Variants in RBFOX1 observed in about 807,000 individuals in gnomAD.
RBFOX1 encodes RNA binding fox-1 homolog 1, also known as RNA binding protein fox-1 homolog 1.
A neutral mutation model predicts 57.7 loss-of-function variants in RBFOX1; 8 were observed. The ratio of observed to expected loss-of-function variants is 0.14; its 90% CI spans 0.08 to 0.25. RBFOX1 has a LOEUF of 0.25. Among genes scored for constraint, RBFOX1 ranks in the 10% least tolerant of loss-of-function variants. The pLI, the probability that RBFOX1 is intolerant of heterozygous loss-of-function variation, is 1.00. For missense variants in RBFOX1, 611 were observed against 548.5 expected (o/e 1.11, Z -1.14); for synonymous variants, 326 against 222.4 (o/e 1.47, Z -4.15).
chr16:6,024,715 A>G (rs1269022798), intron 1 of RBFOX1, among the ~76,000 whole-genome samples: 1 of 152,114 alleles, frequency 6.6e-6, no homozygotes, highest in Non-Finnish European at 1.5e-5. Flanking sequence ...GCCTGACCTC[A>G]AGTGATCCAC....
chr16:6,928,019 A>T (rs936639670), intron 3 of RBFOX1, among the ~76,000 whole-genome samples: 1 of 152,076 alleles, frequency 6.6e-6, no homozygotes, highest in African/African-American at 2.4e-5. Flanking sequence ...CACCCCCAGC[A>T]CCCACCCCTC....
chr16:7,709,552 C>G, intron 15 of RBFOX1: 2 of 1,532,656 alleles, frequency 1.3e-6, no homozygotes, highest in South Asian at 1.2e-5. Flanking sequence ...ACTTCCAGGC[C>G]TCTGCTGTCA....
intron 5 of RBFOX1, among the ~76,000 whole-genome samples, chr16:7,531,172 A>T (rs1315518788): frequency 6.6e-6 from 1 of 152,240 alleles, no homozygotes; most frequent in African/African-American, 2.4e-5. Flanking sequence ...AAATCATACA[A>T]TCCAAACAAT....
At chr16:6,548,556 G>T (rs544132165) in intron 2 of RBFOX1, among the ~76,000 whole-genome samples, 1 of 152,270 alleles carries the variant, frequency 6.6e-6, no homozygotes, top group South Asian at 2.1e-4. Context: ...AAGCTCTCCA[G>T]GTAGTCACAG....
At chr16:6,375,087 A>T (rs2090991387) in intron 2 of RBFOX1, among the ~76,000 whole-genome samples, 1 of 152,132 alleles carries the variant, frequency 6.6e-6, no homozygotes, top group African/African-American at 2.4e-5. Flanking sequence ...TTTGCAGGCT[A>T]ATGGGAGTGT....
chr16:7,170,494 T>C (rs192963662), intron 4 of RBFOX1, among the ~76,000 whole-genome samples: 4 of 152,304 alleles, frequency 2.6e-5, no homozygotes, highest in African/African-American at 9.6e-5. Context: ...CATATTGGTC[T>C]CAAATTCCTC....
chr16:6,637,390 T>TAA (rs1567986799), intron 2 of RBFOX1, among the ~76,000 whole-genome samples: 1 of 11,634 alleles, frequency 8.6e-5, no homozygotes, highest in Non-Finnish European at 2.4e-4. Context: ...CAAATATATA[T>TAA]TATATATTAA....
intron 2 of RBFOX1, among the ~76,000 whole-genome samples, chr16:5,507,810 C>T (rs1337286873): frequency 2.6e-5 from 4 of 152,154 alleles, no homozygotes; most frequent in Admixed American, 1.3e-4. Flanking sequence ...CCCCAAGGAT[C>T]GCTGGAACCA....
At chr16:6,999,250 G>T (rs1295287750) in intron 3 of RBFOX1, among the ~76,000 whole-genome samples, 3 of 96,996 alleles carry the variant, frequency 3.1e-5, no homozygotes, top group Non-Finnish European at 4.9e-5. Context: ...TAGAGATCAG[G>T]TCTCACTTGT....
chr16:5,269,491 A>C (rs2062950203), intron 1 of RBFOX1, among the ~76,000 whole-genome samples: 1 of 152,288 alleles, frequency 6.6e-6, no homozygotes, highest in African/African-American at 2.4e-5. Context: ...CCAGATGAAG[A>C]GATACACTGA....
intron 3 of RBFOX1, among the ~76,000 whole-genome samples, chr16:5,709,033 C>G (rs140076514): frequency 6.6e-6 from 1 of 152,310 alleles, no homozygotes; most frequent in African/African-American, 2.4e-5. Context: ...TATTTCCCTA[C>G]TCAGGATTTC....
intron 4 of RBFOX1, among the ~76,000 whole-genome samples, chr16:7,383,979 A>C (rs917132016): frequency 4.0e-5 from 6 of 151,714 alleles, no homozygotes; most frequent in Admixed American, 3.3e-4. Context: ...ACTTGAACCC[A>C]GTAGGTGGAG....
chr16:5,858,493 C>T (rs1389242768), intron 3 of RBFOX1, among the ~76,000 whole-genome samples: 1 of 152,154 alleles, frequency 6.6e-6, no homozygotes, highest in East Asian at 1.9e-4. Context: ...TCCCTCCCTC[C>T]CCTGTGACTT....
chr16:7,354,058 A>G (rs1023244934), intron 4 of RBFOX1, among the ~76,000 whole-genome samples: 17 of 151,856 alleles, frequency 1.1e-4, no homozygotes, highest in African/African-American at 3.4e-4. Flanking sequence ...TGCAACCTCT[A>G]CCTCCCAGGT....
At chr16:6,859,174 T>TACGTATATATATACGTATATATATATAC (rs778753196) in intron 3 of RBFOX1, among the ~76,000 whole-genome samples, 84 of 64,824 alleles carry the variant, frequency 1.3e-3, no homozygotes, top group South Asian at 3.7e-3. Flanking sequence ...CGTATATATA[T>TACGTATATATATACGTATATATATATAC]GTATATATAT....
At chr16:6,232,537 C>T (rs996702190) in intron 1 of RBFOX1, among the ~76,000 whole-genome samples, 1 of 152,160 alleles carries the variant, frequency 6.6e-6, no homozygotes, top group East Asian at 1.9e-4. Context: ...CACCCTTCCC[C>T]TTAAATAGTC....
At chr16:7,490,962 T>G (rs2066781295) in intron 4 of RBFOX1, among the ~76,000 whole-genome samples, 1 of 152,160 alleles carries the variant, frequency 6.6e-6, no homozygotes, top group Non-Finnish European at 1.5e-5. Flanking sequence ...GCCTAAAATC[T>G]AACACTGGAG....
intron 4 of RBFOX1, among the ~76,000 whole-genome samples, chr16:5,896,950 C>T (rs944496102): frequency 2.0e-5 from 3 of 150,244 alleles, no homozygotes; most frequent in Non-Finnish European, 2.9e-5. Flanking sequence ...TTGAAAGCTA[C>T]GTTACCCCCG....
At chr16:6,816,563 A>T (rs2098383108) in intron 3 of RBFOX1, among the ~76,000 whole-genome samples, 1 of 151,460 alleles carries the variant, frequency 6.6e-6, no homozygotes, top group Non-Finnish European at 1.5e-5. Context: ...AACACAGTGA[A>T]ACCCCGTCTC....
Sources: allele counts gnomAD v4.1 joint callset (sites outside exome capture counted in the v4.1 genomes callset), GRCh38; gene constraint gnomAD v4.1.1; transcripts MANE v1.5; gene names NCBI Gene and HGNC (gene_info 2026-07-23, HGNC 2026-07-21).